The following NUP35 variants were observed in gnomAD, a reference collection of about 807,000 sequenced individuals.
NUP35 encodes nucleoporin NUP35.
In NUP35, 25 loss-of-function variants were observed where a neutral mutation model predicts 41.5. The observed-to-expected ratio is 0.60, with a 90% CI of 0.44 to 0.84. The LOEUF is 0.84. Among genes scored for constraint, NUP35 ranks in the 40% least tolerant of loss-of-function variants. The probability of loss-of-function intolerance (pLI) is 0.00; values close to 1 mark genes in which losing one functional copy is unlikely to be tolerated. For missense variants in NUP35, 396 were observed against 396.6 expected (o/e 1.00, Z 0.01); for synonymous variants, 149 against 130.7 (o/e 1.14, Z -0.96).
intron 3 of NUP35, 57 bp from the exon 4 acceptor site, chr2:183,133,509 C>A: frequency 1.5e-6 from 2 of 1,371,136 alleles, no homozygotes; most frequent in Non-Finnish European, 2.0e-6. Flanking sequence ...AGCCTTTTAA[C>A]ACTTACTGTA....
chr2:183,154,501 A>G (rs903320149), intron 5 of NUP35, among the ~76,000 whole-genome samples: 3 of 152,180 alleles, frequency 2.0e-5, no homozygotes, highest in African/African-American at 7.2e-5. Context: ...AAGTTCCACA[A>G]ATCTCTAGGG....
At chr2:183,147,192 A>G (rs1429655178) in intron 4 of NUP35, among the ~76,000 whole-genome samples, 1 of 152,118 alleles carries the variant, frequency 6.6e-6, no homozygotes, top group African/African-American at 2.4e-5. Flanking sequence ...GTGTGCAGGA[A>G]GTCATTAGTT....
chr2:183,133,345 A>C (rs1158562882), intron 3 of NUP35, among the ~76,000 whole-genome samples: 1 of 150,090 alleles, frequency 6.7e-6, no homozygotes, highest in Non-Finnish European at 1.5e-5. Context: ...TTTTAACATA[A>C]TATGACTTTT....
Sources: gnomAD v4.1 joint callset for allele counts (sites outside exome capture counted in the v4.1 genomes callset) on GRCh38, gnomAD v4.1.1 for gene constraint, MANE v1.5 for transcripts, NCBI Gene and HGNC (gene_info 2026-07-23, HGNC 2026-07-21) for gene names.